The following SEMA3A variants were observed in gnomAD, a reference collection of about 807,000 sequenced individuals.
SEMA3A encodes the protein semaphorin 3A, also known as semaphorin-3A.
In SEMA3A, 29 loss-of-function variants were observed where a neutral mutation model predicts 97.9. That is an observed-to-expected ratio of 0.30 (90% CI 0.22 to 0.40). The LOEUF (loss-of-function observed/expected upper bound fraction) is 0.40. Ranked by LOEUF, SEMA3A falls within the 10% of genes least tolerant of loss-of-function variation. SEMA3A has a pLI of 1.00. For synonymous variants in SEMA3A, 321 were observed against 323.7 expected (o/e 0.99, Z 0.09); for missense variants, 763 against 951.3 (o/e 0.80, Z 2.60).
At chr7:84,320,483 G>C (rs1382127837) in intron 2 of SEMA3A, among the ~76,000 whole-genome samples, 2 of 151,900 alleles carry the variant, frequency 1.3e-5, no homozygotes, top group African/African-American at 4.8e-5. Flanking sequence ...ACTTTATATT[G>C]CTAGCATCAA....
At chr7:84,268,187 T>G (rs1008846477) in intron 3 of SEMA3A, among the ~76,000 whole-genome samples, 3 of 151,976 alleles carry the variant, frequency 2.0e-5, no homozygotes, top group Admixed American at 6.6e-5. Context: ...ATGGTGATTT[T>G]CCTGTAAGAC....
chr7:84,246,985 G>C (rs1799489186), intron 3 of SEMA3A, among the ~76,000 whole-genome samples: 1 of 151,968 alleles, frequency 6.6e-6, no homozygotes, highest in African/African-American at 2.4e-5. Flanking sequence ...TATAAATTAT[G>C]GTTTTTAAGT....
chr7:84,049,844 C>T (rs1417525602), intron 5 of SEMA3A, among the ~76,000 whole-genome samples: 1 of 146,186 alleles, frequency 6.8e-6, no homozygotes, highest in African/African-American at 2.5e-5. Flanking sequence ...AGGTATATCT[C>T]CCAATGCTAT....
intron 2 of SEMA3A, among the ~76,000 whole-genome samples, chr7:84,368,489 A>T (rs1414740505): frequency 6.6e-6 from 1 of 150,970 alleles, no homozygotes; most frequent in Non-Finnish European, 1.5e-5. Context: ...GTAGGTCAGA[A>T]TTTTGGTTTG....
chr7:84,192,356 T>A (rs185435143), intron 1 of SEMA3A, among the ~76,000 whole-genome samples: 2 of 152,040 alleles, frequency 1.3e-5, no homozygotes, highest in African/African-American at 2.4e-5. Context: ...AAAAATTTCC[T>A]CAGGCCATTC....
At chr7:84,277,614 CAG>C (rs1460513779) in intron 3 of SEMA3A, among the ~76,000 whole-genome samples, 1 of 152,082 alleles carries the variant, frequency 6.6e-6, no homozygotes, top group Non-Finnish European at 1.5e-5. Flanking sequence ...ATACCTGAGA[CAG>C]GGCAATTTAT....
upstream of SEMA3A, chr7:84,194,808 A>AG (rs1798167677): frequency 1.8e-5 from 6 of 341,038 alleles, no homozygotes; most frequent in African/African-American, 1.1e-4. Context: ...AAAAAAAAAA[A>AG]AAAAATTCCG....
chr7:84,293,914 T>C (rs1461424945), intron 3 of SEMA3A, among the ~76,000 whole-genome samples: 1 of 152,050 alleles, frequency 6.6e-6, no homozygotes, highest in Non-Finnish European at 1.5e-5. Context: ...TTGAATTTGT[T>C]ATTTGTTTAA....
intron 1 of SEMA3A, among the ~76,000 whole-genome samples, chr7:84,377,337 G>C (rs910920238): frequency 6.6e-6 from 1 of 152,046 alleles, no homozygotes; most frequent in Admixed American, 6.5e-5. Flanking sequence ...ACACACATTG[G>C]ATAGAATAAT....
intron 1 of SEMA3A, among the ~76,000 whole-genome samples, chr7:84,466,220 C>A (rs1166428232): frequency 1.3e-5 from 2 of 152,108 alleles, no homozygotes; most frequent in Non-Finnish European, 2.9e-5. Flanking sequence ...GTCACCCAGG[C>A]TGGAGTGCAG....
rs376281604 is a variant in SEMA3A, at chr7:84,041,591, T to C, written c.667+4733A>G. ...CATTTTATTTCTGTGACTTTATACA[T>C]TGATACTCCAGAATTGCTAGCTAAT... On this transcript the variant is annotated intron_variant, in intron 6 of 16. Transcript: ENST00000265362. Among the ~76,000 whole-genome samples the C allele has an allele frequency of 8.7e-4, 132 of 152,266 alleles. 6 individuals carry two copies. In the South Asian group the frequency reaches 0.027, roughly 31 times the overall value.
At chr7:84,235,645 T>A (rs1324599974) in intron 3 of SEMA3A, among the ~76,000 whole-genome samples, 2 of 152,058 alleles carry the variant, frequency 1.3e-5, no homozygotes, top group Non-Finnish European at 2.9e-5. Flanking sequence ...CCATTTTGTG[T>A]CCCAACAAAC....
chr7:84,405,461 T>C (rs1032150335), intron 1 of SEMA3A, among the ~76,000 whole-genome samples: 6 of 150,710 alleles, frequency 4.0e-5, no homozygotes, highest in Admixed American at 2.0e-4. Context: ...CTTTAACACC[T>C]CACTGTCAAC....
intron 6 of SEMA3A, among the ~76,000 whole-genome samples, chr7:84,018,812 A>G (rs1791202588): frequency 6.6e-6 from 1 of 152,234 alleles, no homozygotes; most frequent in African/African-American, 2.4e-5. Flanking sequence ...TATCTGGCCT[A>G]CTGGCTCTGG....
chr7:84,270,629 T>A (rs865895005), intron 3 of SEMA3A, among the ~76,000 whole-genome samples: 4 of 147,974 alleles, frequency 2.7e-5, no homozygotes, highest in African/African-American at 9.8e-5. Context: ...GCATATATAT[T>A]CTATTCATAT....
intron 12 of SEMA3A, among the ~76,000 whole-genome samples, chr7:83,986,867 T>C (rs191406751): frequency 1.3e-5 from 2 of 152,032 alleles, no homozygotes; most frequent in East Asian, 3.9e-4. Flanking sequence ...GGGGTGGTGA[T>C]AAGACTGAAT....
At chr7:84,257,164 G>A (rs1230412812) in intron 3 of SEMA3A, among the ~76,000 whole-genome samples, 1 of 151,948 alleles carries the variant, frequency 6.6e-6, no homozygotes, top group Non-Finnish European at 1.5e-5. Flanking sequence ...AGCAGCTAAA[G>A]GTTTGGTCCT....
chr7:84,011,415 T>C (rs1790867276), intron 7 of SEMA3A, 118 bp from the exon 8 acceptor site: 2 of 698,584 alleles, frequency 2.9e-6, no homozygotes, highest in Non-Finnish European at 2.4e-6. Flanking sequence ...TTTTAAAAGT[T>C]CCTAATCATT....
At chr7:84,096,023 T>C (rs771614128) in intron 4 of SEMA3A, among the ~76,000 whole-genome samples, 18 of 152,104 alleles carry the variant, frequency 1.2e-4, no homozygotes, top group Non-Finnish European at 2.2e-4. Context: ...AAGCCAACTA[T>C]ATTTTAACAA....
Sources: allele counts gnomAD v4.1 joint callset (sites outside exome capture counted in the v4.1 genomes callset), GRCh38; gene constraint gnomAD v4.1.1; transcripts MANE v1.5; gene names NCBI Gene and HGNC (gene_info 2026-07-23, HGNC 2026-07-21).